The following CLIP1 variants were observed in gnomAD, a reference collection of about 807,000 sequenced individuals.
The protein encoded by CLIP1 is CAP-Gly domain containing linker protein 1.
Under a neutral mutation model 161.6 loss-of-function variants are expected in CLIP1, and 66 were observed. The observed-to-expected ratio is 0.41, with a 90% CI of 0.33 to 0.50. The LOEUF (loss-of-function observed/expected upper bound fraction) is 0.50, where lower values mean the gene tolerates loss of function less well. CLIP1 is among the 20% of genes least tolerant of loss of function. CLIP1 has a pLI of 0.27. For missense variants in CLIP1, 1,376 were observed against 1,702.0 expected (o/e 0.81, Z 3.37); for synonymous variants, 598 against 626.2 (o/e 0.96, Z 0.67).
chr12:122,299,567 G>A (rs1339590517), intron 20 of CLIP1, among the ~76,000 whole-genome samples: 1 of 127,398 alleles, frequency 7.8e-6, no homozygotes, highest in African/African-American at 3.0e-5. Flanking sequence ...TATTATTGTT[G>A]TTAAAATGAT....
At position 122,380,466 on chromosome 12, in the gene CLIP1, CAG is replaced by C. The variant is rs1332345472; in HGVS notation, c.-16_-15del. ...TAGCATACTCATTTTCTTTGTATGT[CAG>C]AGCTGTTTCTCCTTTGCCTGTTGCC... On this transcript the variant is annotated 5_prime_UTR_variant, in exon 2 of 26. Transcript: ENST00000620786. 1 of 1,581,338 alleles carries C rather than the reference CAG, an allele frequency of 6.3e-7. No individual in the cohort carries two copies. Among genetic ancestry groups the C allele is most frequent in the Non-Finnish European group, 8.7e-7 (1 of 1,152,578 alleles).
Position 122,394,691 on chromosome 12 carries a change from T to A in CLIP1, c.-106-14133A>T, listed in dbSNP as rs546556694. 2.1e-3 allele frequency among the ~76,000 whole-genome samples: 322 copies of A among 150,896 alleles called. 2 individuals are homozygous for A. The highest frequency in any genetic ancestry group is 7.7e-3 in the African/African-American group (316 of 41,104). ...TCACGAGATCAGGAGATCGAGACCATCCTGGCCAACATGGTGGAACCGCAT... is the reference window on the plus strand; with the variant it reads ...TCACGAGATCAGGAGATCGAGACCAACCTGGCCAACATGGTGGAACCGCAT... On this transcript the variant is annotated intron_variant, in intron 1 of 25. Transcript: ENST00000620786.
intron 24 of CLIP1, 30 bp from the exon 25 acceptor site, chr12:122,274,192 T>C: frequency 2.6e-6 from 4 of 1,550,390 alleles, no homozygotes; most frequent in Non-Finnish European, 3.6e-6. Flanking sequence ...ATGTGTAAAA[T>C]GTCAAGAATA....
At chr12:122,321,820 A>C (rs753419186) in intron 17 of CLIP1, among the ~76,000 whole-genome samples, 1 of 152,198 alleles carries the variant, frequency 6.6e-6, no homozygotes, top group African/African-American at 2.4e-5. Flanking sequence ...CGCCCAGCCG[A>C]ATTTCACTAT....
intron 1 of CLIP1, among the ~76,000 whole-genome samples, chr12:122,412,917 C>T (rs1956595839): frequency 6.6e-6 from 1 of 152,108 alleles, no homozygotes; most frequent in African/African-American, 2.4e-5. Context: ...AAAATCTAAA[C>T]TTGACTAGAT....
intron 19 of CLIP1, among the ~76,000 whole-genome samples, chr12:122,314,983 T>C (rs970156010): frequency 6.6e-6 from 1 of 152,160 alleles, no homozygotes; most frequent in South Asian, 2.1e-4. Flanking sequence ...TGTTTAAACA[T>C]AATCCCATCA....
chr12:122,281,550 G>A (rs918342679), intron 21 of CLIP1, among the ~76,000 whole-genome samples: 2 of 151,930 alleles, frequency 1.3e-5, no homozygotes. Flanking sequence ...AAAAAAATTA[G>A]CTAGGCATGG....
At chr12:122,397,426 C>T (rs1392594270) in intron 1 of CLIP1, among the ~76,000 whole-genome samples, 1 of 150,596 alleles carries the variant, frequency 6.6e-6, no homozygotes, top group Non-Finnish European at 1.5e-5. Flanking sequence ...TGGCAAAAAC[C>T]TCTCTCTACA....
intron 3 of CLIP1, among the ~76,000 whole-genome samples, chr12:122,373,316 C>T (rs1027400550): frequency 3.3e-5 from 5 of 151,424 alleles, no homozygotes; most frequent in African/African-American, 1.2e-4. Flanking sequence ...GTCCCAGCTC[C>T]GGAGGCTGAG....
chr12:122,368,272 G>A (rs1038220334), intron 3 of CLIP1, among the ~76,000 whole-genome samples: 9 of 152,300 alleles, frequency 5.9e-5, no homozygotes, highest in African/African-American at 2.2e-4. Flanking sequence ...CATTGAGGGA[G>A]ACAGACAAGA....
At chr12:122,350,390 G>A (rs1208340547) in intron 9 of CLIP1, among the ~76,000 whole-genome samples, 1 of 152,140 alleles carries the variant, frequency 6.6e-6, no homozygotes, top group Non-Finnish European at 1.5e-5. Context: ...GCAAGGACTT[G>A]TACTGGGTGT....
chr12:122,354,413 G>A (rs1190543848), intron 7 of CLIP1, 40 bp downstream of exon 7: 1 of 1,533,204 alleles, frequency 6.5e-7, no homozygotes, highest in Non-Finnish European at 9.0e-7. Context: ...AAAAAAAGGG[G>A]GAAAGGCCAC....
At chr12:122,398,433 A>AG (rs1341988984) in intron 1 of CLIP1, among the ~76,000 whole-genome samples, 2 of 151,954 alleles carry the variant, frequency 1.3e-5, no homozygotes, top group Non-Finnish European at 2.9e-5. Flanking sequence ...TTAAAAAAAA[A>AG]AAAAAAATTA....
In CLIP1 at chr12:122,420,392, A is replaced by C. The variant is rs949128990; in HGVS notation, c.-107+2129T>G. Among the ~76,000 whole-genome samples the C allele has an allele frequency of 3.9e-5, 6 of 152,092 alleles. No homozygotes were observed. The South Asian group carries it at 1.2e-3, about 32-fold the overall frequency. Reference sequence around the variant, plus strand: ...GATATCAGATTCTAAACTCCTCAATAGGACAGAAACCAGATTAGCTTATGT... The same window carrying C: ...GATATCAGATTCTAAACTCCTCAATCGGACAGAAACCAGATTAGCTTATGT... On this transcript the variant is annotated intron_variant, in intron 1 of 25. Coordinates refer to ENST00000620786, the MANE Select transcript of CLIP1 (RefSeq NM_001247997.2).
At chr12:122,376,489 CAG>C (rs1383455269) in intron 3 of CLIP1, among the ~76,000 whole-genome samples, 2 of 152,032 alleles carry the variant, frequency 1.3e-5, no homozygotes, top group Non-Finnish European at 2.9e-5. Context: ...TTCTTTGAGA[CAG>C]AGTCTCGCTC....
intron 3 of CLIP1, 72 bp from the exon 4 acceptor site, chr12:122,364,179 G>A: frequency 6.4e-7 from 1 of 1,550,680 alleles, no homozygotes. Flanking sequence ...GTCCCTACTA[G>A]TAACTAGGTA....
intron 1 of CLIP1, among the ~76,000 whole-genome samples, chr12:122,408,116 A>C (rs544904257): frequency 6.6e-6 from 1 of 151,818 alleles, no homozygotes; most frequent in East Asian, 1.9e-4. Context: ...GGCACCTGTA[A>C]TCCCAGCTAC....
chr12:122,328,124 C>A lies in CLIP1; in HGVS notation c.3072G>T (p.Glu1024Asp). The change falls in exon 17 of 26, where the codon GAG becomes GAT. Residue 1024 changes from glutamate (E) to aspartate (D), a missense_variant. By Grantham distance (45) the Glu-to-Asp change is conservative (BLOSUM62 2). Around this residue, in one of 6 missense-constraint regions of CLIP1, gnomAD observed 948 missense variants for 1,134.8 expected, o/e 0.84. Coordinates refer to ENST00000620786, the MANE Select transcript of CLIP1 (RefSeq NM_001247997.2). ...TGGCTCTCTCATACCTGGCTTTCAGCTCCTGACACTGGTTGTGGCTTGTTT... is the reference window on the plus strand; with the variant it reads ...TGGCTCTCTCATACCTGGCTTTCAGATCCTGACACTGGTTGTGGCTTGTTT... ...KMETSHNQCQ[E>D]LKARYERATS... 6.2e-7 allele frequency: 1 copy of A among 1,614,180 alleles called. No homozygotes were observed. Among genetic ancestry groups the A allele is most frequent in the South Asian group, 1.1e-5 (1 of 91,090 alleles).
rs753790178 is a variant in CLIP1, at chr12:122,377,905, T to A, written c.141A>T (p.Ser47=). The A allele has an allele frequency of 1.9e-6, 3 of 1,613,804 alleles. No homozygotes were observed. Among genetic ancestry groups the A allele is most frequent in the African/African-American group, 2.7e-5 (2 of 74,860 alleles). ...CCACAAATTCCTCCTGAGTCTCAGA[T>A]GATGGAGTGCTTGATGCTTTTTCAC... ...ISSEKASSTP[S]SETQEEFVDD... The change falls in exon 3 of 26, where the codon TCA becomes TCT. Residue 47 remains serine, a synonymous_variant. Transcript: ENST00000620786.
Sources: gnomAD v4.1 joint callset for allele counts (sites outside exome capture counted in the v4.1 genomes callset) on GRCh38, gnomAD v4.1.1 for gene constraint, gnomAD v4.1.1 regional missense constraint, MANE v1.5 for transcripts, NCBI Gene and HGNC (gene_info 2026-07-23, HGNC 2026-07-21) for gene names.